MARCHF7: variants seen among roughly 807,000 people sequenced by gnomAD.
MARCHF7 encodes membrane associated ring-CH-type finger 7.
MARCHF7 carries 20 observed loss-of-function variants against 76.5 expected under a neutral mutation model. The ratio of observed to expected loss-of-function variants is 0.26; its 90% CI spans 0.18 to 0.38. MARCHF7 has a LOEUF of 0.38. Ranked by LOEUF, MARCHF7 falls within the 10% of genes least tolerant of loss-of-function variation. The pLI is 1.00. For missense variants in MARCHF7, 797 were observed against 812.9 expected, an observed-to-expected ratio of 0.98 and a Z score of 0.24; for synonymous variants, 295 against 293.0, an observed-to-expected ratio of 1.01 and a Z score of -0.07.
chr2:159,756,499 C>T (rs772220533), intron 8 of MARCHF7, among the ~76,000 whole-genome samples: 14 of 151,810 alleles, frequency 9.2e-5, no homozygotes, highest in Non-Finnish European at 1.6e-4. Context: ...CCAGCCTGGC[C>T]AACATGGTGA....
Position 159,763,006 on chromosome 2 carries a change from G to A in MARCHF7, c.2007+13G>A, listed in dbSNP as rs758202596. 2 of 1,573,246 alleles carry A rather than the reference G, an allele frequency of 1.3e-6. No homozygotes were observed. The highest frequency in any genetic ancestry group is 3.4e-5 in the Admixed American group (2 of 58,570). On this transcript the variant is annotated intron_variant, in intron 10 of 11. Coordinates refer to ENST00000409175, the MANE Select transcript of MARCHF7 (RefSeq NM_001282805.2). ...CACACGTGTCCGAGTAAGTAATAAT[G>A]AAGTTGGGGAGAGGGAGGGTATGAT...
chr2:159,721,813 A>G (rs1487791692), intron 3 of MARCHF7, among the ~76,000 whole-genome samples: 1 of 152,206 alleles, frequency 6.6e-6, no homozygotes. Flanking sequence ...GACTCCACTT[A>G]TAAAACACAA....
At position 159,762,822 on chromosome 2, in the gene MARCHF7, TCTA is replaced by T. The variant is rs1301458370; in HGVS notation, c.1894-54_1894-52del. On this transcript the variant is annotated intron_variant, in intron 9 of 11. Coordinates refer to ENST00000409175, the MANE Select transcript of MARCHF7 (RefSeq NM_001282805.2). The stretch of plus-strand genomic sequence containing the variant: ...GTGTACTGTGAGTATCAATCTCAAT[TCTA>T]CTAATTTTTCATTCTCTGTATTTTT... 3.0e-6 allele frequency: 3 copies of T among 1,007,528 alleles called. No individual in the cohort carries two copies. The African/African-American group carries it at 4.8e-5, about 16-fold the overall frequency. 62.4% of individuals were successfully genotyped at this position (1,007,528 alleles called of 1,614,324 possible).
At chr2:159,754,934 G>A (rs1706103933) in intron 8 of MARCHF7, among the ~76,000 whole-genome samples, 1 of 152,156 alleles carries the variant, frequency 6.6e-6, no homozygotes, top group Non-Finnish European at 1.5e-5. Context: ...GATTGTATTA[G>A]TGTCTATAAA....
At chr2:159,752,372 T>C in intron 7 of MARCHF7, 30 bp from the exon 8 acceptor site, 1 of 1,528,032 alleles carries the variant, frequency 6.5e-7, no homozygotes, top group Non-Finnish European at 8.8e-7. Context: ...TGAGTTATGA[T>C]AGCTTTGGGA....
At chr2:159,761,226 G>A (rs918316226) in intron 9 of MARCHF7, among the ~76,000 whole-genome samples, 1 of 151,604 alleles carries the variant, frequency 6.6e-6, no homozygotes, top group South Asian at 2.1e-4. Flanking sequence ...GCTTCACCAT[G>A]TTGGCCAGGC....
chr2:159,766,802 CAT>C (rs1443580456), intron 11 of MARCHF7, among the ~76,000 whole-genome samples: 1 of 152,136 alleles, frequency 6.6e-6, no homozygotes, highest in Non-Finnish European at 1.5e-5. Context: ...ATTGTATAGA[CAT>C]AGCTTTGATG....
chr2:159,770,850 T>TAA lies in MARCHF7; in HGVS notation c.*3509_*3510dup, dbSNP rs1708123477. The TAA allele has an allele frequency of 6.8e-6, 1 of 147,982 alleles. No individual in the cohort carries two copies. Among genetic ancestry groups the TAA allele is most frequent in the Non-Finnish European group, 1.5e-5 (1 of 65,112 alleles). 9.2% of individuals were successfully genotyped at this position (147,982 alleles called of 1,614,324 possible). Reference sequence around the variant, plus strand: ...ATTTCTTAGAACGTATCCCCATTGATAAGTGATACGTGACTAATTTACGTG... The same window carrying TAA: ...ATTTCTTAGAACGTATCCCCATTGATAAAAGTGATACGTGACTAATTTACGTG... On this transcript the variant is annotated 3_prime_UTR_variant, in exon 12 of 12. Transcript: ENST00000409175.
chr2:159,748,214 A>G lies in MARCHF7; in HGVS notation c.924A>G (p.Ser308=). The change falls in exon 7 of 12, where the codon TCA becomes TCG. Residue 308 remains serine, a synonymous_variant. Transcript: ENST00000409175. ...GTCAGGATTCCTTGAATACAAGATC[A>G]TTGAATTCTGAAAATTCTTACGTTT... ...RSSQDSLNTR[S]LNSENSYVSP... The G allele has an allele frequency of 6.2e-7, 1 of 1,614,070 alleles. No homozygotes were observed. The highest frequency in any genetic ancestry group is 1.1e-5 in the South Asian group (1 of 91,076).
rs1264970451 is a variant in MARCHF7 at position 159,768,228 on chromosome 2, G to C, written c.*886G>C. On this transcript the variant is annotated 3_prime_UTR_variant, in exon 12 of 12. Coordinates refer to ENST00000409175, the MANE Select transcript of MARCHF7 (RefSeq NM_001282805.2). The stretch of plus-strand genomic sequence containing the variant: ...AGATAAATATATAAATAACCTGTTT[G>C]GATCCTGGTCCTTTTTAACTGTTCC... 2 of 151,576 alleles carry C rather than the reference G, an allele frequency of 1.3e-5. No homozygotes were observed. Among genetic ancestry groups the C allele is most frequent in the African/African-American group, 4.8e-5 (2 of 41,378 alleles). The allele number at this position is 151,576 out of a possible 1,614,324, so 9.4% of individuals were successfully genotyped here.
At chr2:159,749,464 C>T (rs1172917876) in intron 7 of MARCHF7, among the ~76,000 whole-genome samples, 1 of 152,100 alleles carries the variant, frequency 6.6e-6, no homozygotes, top group Non-Finnish European at 1.5e-5. Context: ...TCTCCTGCCT[C>T]AGCCTCCCAA....
At chr2:159,760,708 C>CTTTTTTTTTTTTTTTTTTTT (rs34933843) in intron 9 of MARCHF7, among the ~76,000 whole-genome samples, 1 of 147,440 alleles carries the variant, frequency 6.8e-6, no homozygotes, top group African/African-American at 2.5e-5. Flanking sequence ...CAGTTTTTTC[C>CTTTTTTTTTTTTTTTTTTTT]TTTTTTGTTT....
chr2:159,743,197 C>T lies in MARCHF7; in HGVS notation c.290C>T (p.Thr97Ile). The T allele has an allele frequency of 6.2e-7, 1 of 1,614,196 alleles. No homozygotes were observed. Among genetic ancestry groups the T allele is most frequent in the Admixed American group, 1.7e-5 (1 of 60,026 alleles). ...TCAAAAAGACCTAAACTTTCCTGTACAAACTGTACTACCTCAGCTGGGAGA... is the reference window on the plus strand; with the variant it reads ...TCAAAAAGACCTAAACTTTCCTGTATAAACTGTACTACCTCAGCTGGGAGA... ...HDSKRPKLSC[T>I]NCTTSAGRNV... The change falls in exon 5 of 12, where the codon ACA (threonine) becomes ATA (isoleucine). Residue 97 changes from threonine (T) to isoleucine (I), a missense_variant. Physicochemically the swap from Thr to Ile is moderately conservative, Grantham distance 89. Around this residue, in one of 3 missense-constraint regions of MARCHF7, gnomAD observed 643 missense variants for 631.5 expected, o/e 1.02. Coordinates refer to ENST00000409175, the MANE Select transcript of MARCHF7 (RefSeq NM_001282805.2).
Position 159,748,124 on chromosome 2 carries a change from A to G in MARCHF7, c.834A>G (p.Thr278=). 1.2e-6 allele frequency: 2 copies of G among 1,613,908 alleles called. No homozygotes were observed. Among genetic ancestry groups the G allele is most frequent in the Non-Finnish European group, 1.7e-6 (2 of 1,179,924 alleles). The change falls in exon 7 of 12, where the codon ACA becomes ACG. Residue 278 remains threonine (T), a synonymous_variant. Coordinates refer to ENST00000409175, the MANE Select transcript of MARCHF7 (RefSeq NM_001282805.2). ...CTTCTGACAATGAAGGTAGGCGGACAACGAGGAGATTGCTGTCACGCATAG... is the reference window on the plus strand; with the variant it reads ...CTTCTGACAATGAAGGTAGGCGGACGACGAGGAGATTGCTGTCACGCATAG... ...QESSDNEGRR[T]TRRLLSRIAS... is the part of the protein sequence containing the mutation.
chr2:159,733,380 A>G (rs1445465911), intron 4 of MARCHF7: 1 of 441,614 alleles, frequency 2.3e-6, no homozygotes, highest in African/African-American at 2.1e-5. Context: ...TTGAGAATAC[A>G]GGTGTGCACA....
At position 159,767,431 on chromosome 2, in the gene MARCHF7, T is replaced by TAATA; in HGVS notation, c.*94_*97dup. The TAATA allele has an allele frequency of 2.4e-6, 2 of 848,512 alleles. No homozygotes were observed. Among genetic ancestry groups the TAATA allele is most frequent in the Non-Finnish European group, 3.9e-6 (2 of 514,402 alleles). 52.6% of individuals were successfully genotyped at this position (848,512 alleles called of 1,614,324 possible). Reference sequence around the variant, plus strand: ...TAAATTACTTTTGTGGGGGAATGCCTAATAAATACATTGACTATATATAAA... The same window carrying TAATA: ...TAAATTACTTTTGTGGGGGAATGCCTAATAAATAAATACATTGACTATATATAAA... On this transcript the variant is annotated 3_prime_UTR_variant, in exon 12 of 12. Transcript: ENST00000409175.
Position 159,720,972 on chromosome 2 carries a change from C to T in MARCHF7, c.-15+5206C>T, listed in dbSNP as rs560822302. Among the ~76,000 whole-genome samples, 22 of 152,076 alleles carry T rather than the reference C, an allele frequency of 1.4e-4. 1 individual carries two copies. The South Asian group carries it at 4.6e-3, about 32-fold the overall frequency. ...TCCCGGATTCAAGCAATTCTCCTGC[C>T]TTAGTCTCCGGATTAGCTGAGATTA... On this transcript the variant is annotated intron_variant, in intron 3 of 11. Coordinates refer to ENST00000409175, the MANE Select transcript of MARCHF7 (RefSeq NM_001282805.2).
chr2:159,723,636 C>G (rs139464236), intron 3 of MARCHF7, among the ~76,000 whole-genome samples: 2 of 152,114 alleles, frequency 1.3e-5, no homozygotes. Flanking sequence ...TCCTACCATT[C>G]TTATTTCCAC....
At chr2:159,761,665 G>T (rs1265953724) in intron 9 of MARCHF7, among the ~76,000 whole-genome samples, 2 of 151,806 alleles carry the variant, frequency 1.3e-5, no homozygotes, top group African/African-American at 4.8e-5. Context: ...ACCCACTCCA[G>T]CCTCCCAAAA....
Sources: allele counts gnomAD v4.1 joint callset (sites outside exome capture counted in the v4.1 genomes callset), GRCh38; gene constraint gnomAD v4.1.1; regional missense constraint gnomAD v4.1.1; transcripts MANE v1.5; gene names NCBI Gene and HGNC (gene_info 2026-07-23, HGNC 2026-07-21).